CORO2B: variants seen among roughly 807,000 people sequenced by gnomAD.
CORO2B encodes coronin-2B.
Under a neutral mutation model 58.8 loss-of-function variants are expected in CORO2B, and 26 were observed. The observed-to-expected ratio is 0.44, with a 90% CI of 0.32 to 0.61. The LOEUF (loss-of-function observed/expected upper bound fraction) is 0.61, where lower values mean the gene tolerates loss of function less well. Among genes scored for constraint, CORO2B ranks in the 20% least tolerant of loss-of-function variants. The pLI is 0.04. For missense variants in CORO2B, 460 were observed against 645.1 expected, an observed-to-expected ratio of 0.71 and a Z score of 3.11; for synonymous variants, 242 against 253.8, an observed-to-expected ratio of 0.95 and a Z score of 0.44.
In CORO2B at chr15:68,711,631, C is replaced by T. The variant is rs374828513; in HGVS notation, c.573C>T (p.Asp191=). 180 of 1,614,008 alleles carry T rather than the reference C, an allele frequency of 1.1e-4. No homozygotes were observed. Among genetic ancestry groups the T allele is most frequent in the Non-Finnish European group, 1.4e-4 (169 of 1,180,000 alleles). ...DVILCMSFNT[D]GSLLTTTCKD... ...TCCTCTGCATGTCCTTCAACACGGA[C>T]GGCAGCCTGCTCACCACCACGTGCA... is the stretch of plus-strand genomic sequence containing the variant. Residue 191 remains aspartate, a synonymous_variant, in exon 5 of 12, where the codon GAC becomes GAT. Transcript: ENST00000261861.
intron 1 of CORO2B, 106 bp downstream of exon 1, chr15:68,579,383 C>A: frequency 1.8e-6 from 2 of 1,096,662 alleles, no homozygotes; most frequent in Non-Finnish European, 2.3e-6. Context: ...GGCGCCGGTG[C>A]CGGGAAGGTG....
At position 68,616,485 on chromosome 15, in the gene CORO2B, T is replaced by C. The variant is rs1900361091; in HGVS notation, c.16-28675T>C. 3.1e-6 allele frequency: 3 copies of C among 959,066 alleles called. No homozygotes were observed. In the South Asian group the frequency reaches 1.4e-4, roughly 46 times the overall value. 59.4% of individuals were successfully genotyped at this position (959,066 alleles called of 1,614,324 possible). ...CAAGGTCTCTTGCTGCCCGGCCTGC[T>C]GGCTTTACTGCCATGCTCCACTCCC... On this transcript the variant is annotated intron_variant, in intron 1 of 11. Transcript: ENST00000261861.
intron 5 of CORO2B, among the ~76,000 whole-genome samples, chr15:68,713,456 C>A (rs896337066): frequency 6.6e-6 from 1 of 152,154 alleles, no homozygotes; most frequent in Admixed American, 6.5e-5. Flanking sequence ...GTAACAAATG[C>A]CCACAAACTA....
chr15:68,632,622 G>A (rs1460740821), intron 1 of CORO2B, among the ~76,000 whole-genome samples: 1 of 152,178 alleles, frequency 6.6e-6, no homozygotes, highest in Non-Finnish European at 1.5e-5. Context: ...ACAGAGTCTT[G>A]CTCTGTCATC....
intron 2 of CORO2B, among the ~76,000 whole-genome samples, chr15:68,663,027 C>T (rs905536893): frequency 2.0e-5 from 3 of 151,496 alleles, no homozygotes; most frequent in Non-Finnish European, 2.9e-5. Flanking sequence ...TTCAAATTGT[C>T]GCTAAACTCA....
intron 2 of CORO2B, among the ~76,000 whole-genome samples, chr15:68,651,175 C>T (rs1901628078): frequency 6.6e-6 from 1 of 152,190 alleles, no homozygotes; most frequent in Non-Finnish European, 1.5e-5. Context: ...GACTATGGGA[C>T]GCAGGGTCCC....
At chr15:68,665,506 T>A (rs1902163463) in intron 2 of CORO2B, among the ~76,000 whole-genome samples, 1 of 150,990 alleles carries the variant, frequency 6.6e-6, no homozygotes, top group Admixed American at 6.6e-5. Flanking sequence ...CTTATATAGA[T>A]AGAAAATATT....
chr15:68,667,948 G>A (rs755389562), intron 2 of CORO2B, among the ~76,000 whole-genome samples: 1 of 152,162 alleles, frequency 6.6e-6, no homozygotes, highest in African/African-American at 2.4e-5. Context: ...ATTTGTAAAC[G>A]AGAGATAATA....
Position 68,711,643 on chromosome 15 carries a change from C to A in CORO2B, c.585C>A (p.Leu195=). 1 of 1,614,132 alleles carries A rather than the reference C, an allele frequency of 6.2e-7. No homozygotes were observed. The highest frequency in any genetic ancestry group is 8.5e-7 in the Non-Finnish European group (1 of 1,179,988). The change falls in exon 5 of 12, where the codon CTC becomes CTA. Residue 195 remains leucine, a synonymous_variant. Coordinates refer to ENST00000261861, the MANE Select transcript of CORO2B (RefSeq NM_006091.5). ...CCTTCAACACGGACGGCAGCCTGCTCACCACCACGTGCAAGGACAAGAAGC... is the reference window on the plus strand; with the variant it reads ...CCTTCAACACGGACGGCAGCCTGCTAACCACCACGTGCAAGGACAAGAAGC... ...CMSFNTDGSL[L]TTTCKDKKLR...
At chr15:68,687,565 A>C (rs1193412986) in intron 2 of CORO2B, among the ~76,000 whole-genome samples, 1 of 152,214 alleles carries the variant, frequency 6.6e-6, no homozygotes, top group Non-Finnish European at 1.5e-5. Context: ...GCCTGAGTGC[A>C]TGCCACACAC....
chr15:68,546,450 G>A, the CORO2B span, among the ~76,000 whole-genome samples: 1 of 152,168 alleles, frequency 6.6e-6, no homozygotes, highest in East Asian at 1.9e-4. Flanking sequence ...TCCTGTCAGA[G>A]TGAGAACAAC....
At chr15:68,576,989 A>T (rs1436739523), upstream of CORO2B, among the ~76,000 whole-genome samples, 2 of 152,070 alleles carry the variant, frequency 1.3e-5, no homozygotes, top group African/African-American at 4.8e-5. Context: ...GGTGGCAAGG[A>T]GGTGGTGCCG....
chr15:68,639,246 G>A (rs1901130566), intron 1 of CORO2B, among the ~76,000 whole-genome samples: 2 of 152,190 alleles, frequency 1.3e-5, no homozygotes, highest in Admixed American at 1.3e-4. Flanking sequence ...GAGTCACTAT[G>A]AGGCTCAGCT....
At chr15:68,708,162 C>T (rs923595436) in intron 3 of CORO2B, among the ~76,000 whole-genome samples, 3 of 152,120 alleles carry the variant, frequency 2.0e-5, no homozygotes, top group Non-Finnish European at 2.9e-5. Flanking sequence ...GCCTTTCTTA[C>T]CTTGAAACCT....
At chr15:68,659,368 TTA>T (rs1335540770) in intron 2 of CORO2B, among the ~76,000 whole-genome samples, 11 of 152,212 alleles carry the variant, frequency 7.2e-5, no homozygotes, top group Admixed American at 2.6e-4. Flanking sequence ...ATCTTACATG[TTA>T]TATGTGTATA....
the CORO2B span, among the ~76,000 whole-genome samples, chr15:68,554,601 C>T: frequency 6.4e-4 from 98 of 152,320 alleles, no homozygotes; most frequent in African/African-American, 2.3e-3. Flanking sequence ...CCCCGCCCCA[C>T]CATCTGTTGC....
At chr15:68,666,685 G>C (rs375999690) in intron 2 of CORO2B, among the ~76,000 whole-genome samples, 9 of 152,264 alleles carry the variant, frequency 5.9e-5, no homozygotes, top group African/African-American at 2.2e-4. Flanking sequence ...TGGGGGTTGG[G>C]GTGTTGTGTT....
chr15:68,624,477 G>T (rs1282833291), intron 1 of CORO2B, among the ~76,000 whole-genome samples: 1 of 152,254 alleles, frequency 6.6e-6, no homozygotes. Flanking sequence ...TCTGTGAAAG[G>T]TACTGTTCAC....
chr15:68,571,234 C>G, the CORO2B span, among the ~76,000 whole-genome samples: 6 of 152,334 alleles, frequency 3.9e-5, no homozygotes, highest in South Asian at 1.0e-3. Context: ...GTACTCAGTA[C>G]TCAATATTCA....
Sources: gnomAD v4.1 joint callset for allele counts (sites outside exome capture counted in the v4.1 genomes callset) on GRCh38, gnomAD v4.1.1 for gene constraint, MANE v1.5 for transcripts, NCBI Gene and HGNC (gene_info 2026-07-23, HGNC 2026-07-21) for gene names.